The following CCDC171 variants were observed in gnomAD, a reference collection of about 807,000 sequenced individuals.
CCDC171 encodes the protein coiled-coil domain containing 171.
Under a neutral mutation model 168.2 loss-of-function variants are expected in CCDC171, and 177 were observed. The ratio of observed to expected loss-of-function variants is 1.05; its 90% CI spans 0.93 to 1.19. CCDC171 has a LOEUF of 1.19. Among genes scored for constraint, CCDC171 ranks in the 50% most tolerant of loss-of-function variants. The probability of loss-of-function intolerance (pLI) is 0.00; values close to 1 mark genes in which losing one functional copy is unlikely to be tolerated. For synonymous variants in CCDC171, 687 were observed against 540.8 expected (o/e 1.27, Z -3.75); for missense variants, 1,991 against 1,539.0 (o/e 1.29, Z -4.91).
Position 15,777,736 on chromosome 9 carries a change from A to C in CCDC171, c.2808A>C (p.Lys936Asn), listed in dbSNP as rs1293629912. 6.2e-7 allele frequency: 1 copy of C among 1,613,896 alleles called. No individual in the cohort carries two copies. The highest frequency in any genetic ancestry group is 8.5e-7 in the Non-Finnish European group (1 of 1,179,980). The change falls in exon 19 of 26, where the codon AAA (lysine) becomes AAC (asparagine). Residue 936 changes from lysine (K) to asparagine (N), a missense_variant. Lys to Asn is a moderately conservative substitution (Grantham distance 94). Transcript: ENST00000380701. ...GCAGGAGTATTACATATGTAGAAAA[A>C]GATTCCCTGGTTCAGAGGCTGGCCC... ...HSSRSITYVE[K>N]DSLVQRLAHG...
the CCDC171 span, among the ~76,000 whole-genome samples, chr9:16,099,285 C>T: frequency 6.6e-6 from 1 of 152,142 alleles, no homozygotes. Flanking sequence ...GCACCCTGTT[C>T]CCCCTGGTTT....
chr9:15,555,911 C>T lies in CCDC171; in HGVS notation c.-112+2609C>T, dbSNP rs140305310. On this transcript the variant is annotated intron_variant, in intron 1 of 25. Transcript: ENST00000380701. ...AAGTATTCTCGTTGTTCAATTCCTA[C>T]CTAAGAGTGAGAACATGCGGTGTTT... Among the ~76,000 whole-genome samples, 257 of 152,186 alleles carry T rather than the reference C, an allele frequency of 1.7e-3. 1 individual carries two copies. Among genetic ancestry groups the T allele is most frequent in the African/African-American group, 5.4e-3 (224 of 41,548 alleles).
chr9:15,582,266 T>A (rs1012643106), intron 4 of CCDC171, among the ~76,000 whole-genome samples: 12 of 152,150 alleles, frequency 7.9e-5, no homozygotes, highest in African/African-American at 1.2e-4. Flanking sequence ...TTCATTAAAA[T>A]GTCAGGAAAC....
rs1828770972 is a variant in CCDC171, at chr9:15,948,965, T to G, written c.3754-22644T>G. Among the ~76,000 whole-genome samples, 4 of 152,342 alleles carry G rather than the reference T, an allele frequency of 2.6e-5. No individual in the cohort carries two copies. The South Asian group carries it at 8.3e-4, about 32-fold the overall frequency. On this transcript the variant is annotated intron_variant, in intron 25 of 25. Transcript: ENST00000380701. ...GTTTTTATGGTTTTAGGTCTAACATTTAAGTCTTTAATCCATCTCGAATTG... is the reference window on the plus strand; with the variant it reads ...GTTTTTATGGTTTTAGGTCTAACATGTAAGTCTTTAATCCATCTCGAATTG...
chr9:15,792,167 G>A (rs928520474), intron 21 of CCDC171, among the ~76,000 whole-genome samples: 16 of 151,740 alleles, frequency 1.1e-4, no homozygotes, highest in South Asian at 4.2e-4. Flanking sequence ...CAAGAACTAC[G>A]TGATGAATGC....
At chr9:15,699,562 A>G (rs1475170484) in intron 11 of CCDC171, among the ~76,000 whole-genome samples, 4 of 152,160 alleles carry the variant, frequency 2.6e-5, no homozygotes, top group African/African-American at 4.8e-5. Flanking sequence ...TGAGCTAGAC[A>G]CAAAGGTTCT....
intron 3 of CCDC171, among the ~76,000 whole-genome samples, chr9:15,980,755 T>A (rs957297116): frequency 3.3e-5 from 5 of 151,724 alleles, no homozygotes; most frequent in Admixed American, 6.6e-5. Context: ...TTTTTTTTTT[T>A]AATAACTATT....
intron 1 of CCDC171, among the ~76,000 whole-genome samples, chr9:16,048,879 G>A (rs1225601335): frequency 1.3e-5 from 2 of 151,416 alleles, no homozygotes; most frequent in African/African-American, 4.9e-5. Flanking sequence ...GTTTCAGGGA[G>A]GCATTTAGAC....
intron 4 of CCDC171, among the ~76,000 whole-genome samples, 194 bp from the exon 5 acceptor site, chr9:15,591,172 T>C (rs1031708954): frequency 6.6e-6 from 1 of 152,044 alleles, no homozygotes; most frequent in African/African-American, 2.4e-5. Context: ...ATAGAATAGA[T>C]TGATTTAGAG....
intron 11 of CCDC171, among the ~76,000 whole-genome samples, chr9:15,696,647 A>G (rs2051241411): frequency 6.6e-6 from 1 of 152,194 alleles, no homozygotes; most frequent in Non-Finnish European, 1.5e-5. Context: ...GTCGCAGTAT[A>G]GCATATGCCT....
intron 16 of CCDC171, among the ~76,000 whole-genome samples, chr9:15,738,843 C>T (rs2054660188): frequency 6.6e-6 from 1 of 152,028 alleles, no homozygotes; most frequent in Middle Eastern, 3.4e-3. Flanking sequence ...TTTTTCTAAG[C>T]CTTTACACTC....
rs1160318932 is a variant in CCDC171, at chr9:15,616,621, G to C, written c.676-6646G>C. 5.3e-5 allele frequency among the ~76,000 whole-genome samples: 8 copies of C among 152,238 alleles called. No homozygotes were observed. The East Asian group carries it at 1.2e-3, about 22-fold the overall frequency. On this transcript the variant is annotated intron_variant, in intron 6 of 25. Transcript: ENST00000380701. ...CAAGTATGTAAGTCAATGACTGAAA[G>C]TTGGAGATTATGTATTTGTAATTTA...
At chr9:15,740,001 T>TG (rs2134529016) in intron 16 of CCDC171, among the ~76,000 whole-genome samples, 1 of 152,268 alleles carries the variant, frequency 6.6e-6, no homozygotes, top group South Asian at 2.1e-4. Context: ...CCTACCAAAG[T>TG]GCTGGGATTA....
chr9:15,745,762 A>G (rs964563717), intron 18 of CCDC171, 131 bp downstream of exon 18: 6 of 508,056 alleles, frequency 1.2e-5, no homozygotes, highest in African/African-American at 4.0e-5. Flanking sequence ...TTATTCAGTC[A>G]TAGAGAGATT....
rs967292981 is a variant in CCDC171, at chr9:15,904,504, A to C, written c.3601-15766A>C. On this transcript the variant is annotated intron_variant, in intron 24 of 25. Transcript: ENST00000380701. ...TTTTGTCACCACCAGGCCTGCCCTA[A>C]AAGAGCTCCTGAAGGAAGCACTAAA... Among the ~76,000 whole-genome samples the C allele has an allele frequency of 1.9e-3, 293 of 151,904 alleles. 1 individual carries two copies. Among genetic ancestry groups the C allele is most frequent in the Middle Eastern group, 3.4e-3 (1 of 292 alleles).
At chr9:15,635,751 C>T (rs1472126040) in intron 7 of CCDC171, among the ~76,000 whole-genome samples, 1 of 152,162 alleles carries the variant, frequency 6.6e-6, no homozygotes, top group East Asian at 1.9e-4. Flanking sequence ...CCACCATGAA[C>T]ATTCGTGTAC....
At chr9:16,025,812 C>T (rs776563335) in intron 6 of CCDC171, among the ~76,000 whole-genome samples, 1 of 152,100 alleles carries the variant, frequency 6.6e-6, no homozygotes, top group South Asian at 2.1e-4. Context: ...GGAATGACTG[C>T]CAATGGGTGT....
the CCDC171 span, among the ~76,000 whole-genome samples, chr9:16,099,371 G>A: frequency 1.3e-5 from 2 of 152,288 alleles, no homozygotes; most frequent in East Asian, 3.9e-4. Context: ...GATGGGAAAC[G>A]CCATCGCAGT....
At chr9:16,011,541 C>G (rs1284855551) in intron 3 of CCDC171, among the ~76,000 whole-genome samples, 7 of 151,984 alleles carry the variant, frequency 4.6e-5, no homozygotes, top group African/African-American at 7.3e-5. Flanking sequence ...CAACAGAGCC[C>G]AATTATGCAG....
Sources: allele counts gnomAD v4.1 joint callset (sites outside exome capture counted in the v4.1 genomes callset), GRCh38; gene constraint gnomAD v4.1.1; transcripts MANE v1.5; gene names NCBI Gene and HGNC (gene_info 2026-07-23, HGNC 2026-07-21).